SLC24A2: variants seen among roughly 807,000 people sequenced by gnomAD.
SLC24A2 encodes sodium/potassium/calcium exchanger 2.
A neutral mutation model predicts 62.0 loss-of-function variants in SLC24A2; 36 were observed. The observed-to-expected ratio is 0.58, with a 90% CI of 0.44 to 0.77. The LOEUF is 0.77. SLC24A2 is among the 30% of genes least tolerant of loss of function. The pLI is 0.00. For synonymous variants in SLC24A2, 358 were observed against 294.0 expected (o/e 1.22, Z -2.23); for missense variants, 846 against 817.9 (o/e 1.03, Z -0.42).
the SLC24A2 span, among the ~76,000 whole-genome samples, chr9:20,081,979 C>A: frequency 6.6e-6 from 1 of 152,162 alleles, no homozygotes; most frequent in Non-Finnish European, 1.5e-5. Flanking sequence ...TTCCAGCCAT[C>A]CCTCATCACC....
At chr9:19,520,337 C>T (rs1183435842) in intron 10 of SLC24A2, among the ~76,000 whole-genome samples, 5 of 152,218 alleles carry the variant, frequency 3.3e-5, no homozygotes, top group African/African-American at 1.2e-4. Context: ...ATTATTCATA[C>T]TGAGAGCTCA....
chr9:20,172,106 G>A, the SLC24A2 span, among the ~76,000 whole-genome samples: 1,837 of 152,058 alleles, frequency 0.012, 41 homozygotes, highest in African/African-American at 0.041. Context: ...AATCTGCTCC[G>A]GAATGATCAC....
intron 8 of SLC24A2, among the ~76,000 whole-genome samples, chr9:19,544,908 G>A (rs1458614478): frequency 7.2e-5 from 11 of 152,042 alleles, no homozygotes; most frequent in Admixed American, 6.6e-4. Context: ...TGTGTCTTGG[G>A]GTTGCTCTTC....
the SLC24A2 span, among the ~76,000 whole-genome samples, chr9:20,176,956 T>C: frequency 2.0e-5 from 3 of 152,060 alleles, no homozygotes; most frequent in Admixed American, 2.0e-4. Flanking sequence ...CTATCCATTG[T>C]TCCTTATATG....
intron 5 of SLC24A2, among the ~76,000 whole-genome samples, chr9:19,585,269 ATTTC>A (rs1836339398): frequency 6.6e-6 from 1 of 152,018 alleles, no homozygotes; most frequent in Admixed American, 6.6e-5. Flanking sequence ...ATGTGTGCAT[ATTTC>A]TTTTATTCTG....
At chr9:20,017,749 A>G in the SLC24A2 span, among the ~76,000 whole-genome samples, 2 of 152,174 alleles carry the variant, frequency 1.3e-5, no homozygotes, top group African/African-American at 4.8e-5. Flanking sequence ...GGCAGGAAGC[A>G]TCCAGCATGG....
chr9:20,284,926 A>G, the SLC24A2 span, among the ~76,000 whole-genome samples: 3 of 152,252 alleles, frequency 2.0e-5, no homozygotes, highest in Non-Finnish European at 4.4e-5. Context: ...CATAAAAGCT[A>G]CAATGATATT....
the SLC24A2 span, among the ~76,000 whole-genome samples, chr9:19,910,675 T>G: frequency 2.4e-4 from 36 of 152,204 alleles, no homozygotes; most frequent in Admixed American, 1.3e-3. Flanking sequence ...TCAGGCCTTC[T>G]TGCCCACTGT....
In SLC24A2 at chr9:19,514,833, G is replaced by A. The variant is rs921724127; in HGVS notation, c.*1320C>T. On this transcript the variant is annotated 3_prime_UTR_variant, in exon 11 of 11. Coordinates refer to ENST00000341998, the MANE Select transcript of SLC24A2 (RefSeq NM_020344.4). Reference sequence around the variant, plus strand: ...CTCAGAAACCTTCCTGGGGTGCACTGAGTGTGCAAATGCCTTTCCAAGCAT... The same window carrying A: ...CTCAGAAACCTTCCTGGGGTGCACTAAGTGTGCAAATGCCTTTCCAAGCAT... The A allele has an allele frequency of 2.0e-5, 3 of 152,208 alleles. No individual in the cohort carries two copies. Among genetic ancestry groups the A allele is most frequent in the African/African-American group, 4.8e-5 (2 of 41,456 alleles). 9.4% of individuals were successfully genotyped at this position (152,208 alleles called of 1,614,324 possible).
chr9:19,885,193 C>T, the SLC24A2 span, among the ~76,000 whole-genome samples: 89 of 152,250 alleles, frequency 5.8e-4, 2 homozygotes, highest in African/African-American at 2.0e-3. Context: ...TCTCACTGGA[C>T]CCGTTTAACT....
chr9:20,178,509 AT>A, the SLC24A2 span, among the ~76,000 whole-genome samples: 1 of 152,132 alleles, frequency 6.6e-6, no homozygotes, highest in African/African-American at 2.4e-5. Context: ...ACTTTGACAG[AT>A]TTTAATGAGA....
At chr9:20,195,792 G>A in the SLC24A2 span, among the ~76,000 whole-genome samples, 8 of 151,496 alleles carry the variant, frequency 5.3e-5, no homozygotes, top group Middle Eastern at 6.8e-3. Context: ...TAGTCTCATG[G>A]CATACATTAA....
At chr9:19,785,688 G>C (rs1389230321) in intron 2 of SLC24A2, among the ~76,000 whole-genome samples, 1 of 152,226 alleles carries the variant, frequency 6.6e-6, no homozygotes, top group African/African-American at 2.4e-5. Context: ...GGAGGCTTAT[G>C]TAACCTATAT....
the SLC24A2 span, among the ~76,000 whole-genome samples, chr9:20,048,566 C>T: frequency 6.6e-6 from 1 of 152,046 alleles, no homozygotes; most frequent in Non-Finnish European, 1.5e-5. Context: ...TTCTTCTTGG[C>T]AAATGTATAA....
chr9:19,779,603 G>C (rs972380038), intron 2 of SLC24A2, among the ~76,000 whole-genome samples: 1 of 152,162 alleles, frequency 6.6e-6, no homozygotes, highest in East Asian at 1.9e-4. Context: ...ATCAGGAATA[G>C]AGGGAAAAAA....
At chr9:19,912,947 AT>A in the SLC24A2 span, among the ~76,000 whole-genome samples, 1 of 152,146 alleles carries the variant, frequency 6.6e-6, no homozygotes, top group Non-Finnish European at 1.5e-5. Flanking sequence ...ATTTGTAAAA[AT>A]TTAAATGAAC....
chr9:19,858,841 A>G, the SLC24A2 span, among the ~76,000 whole-genome samples: 1 of 152,198 alleles, frequency 6.6e-6, no homozygotes, highest in African/African-American at 2.4e-5. Flanking sequence ...TAAAAAGTCA[A>G]AAAATAGCAG....
At chr9:19,523,063 G>T (rs955520962) in intron 9 of SLC24A2, among the ~76,000 whole-genome samples, 1 of 152,204 alleles carries the variant, frequency 6.6e-6, no homozygotes, top group Non-Finnish European at 1.5e-5. Context: ...ATGCACGGTA[G>T]TTCCAGCTAC....
the SLC24A2 span, among the ~76,000 whole-genome samples, chr9:20,119,300 G>A: frequency 6.6e-6 from 1 of 151,996 alleles, no homozygotes; most frequent in Non-Finnish European, 1.5e-5. Flanking sequence ...CAGAAACTGT[G>A]AGGTAACACA....
Sources: allele counts gnomAD v4.1 joint callset (sites outside exome capture counted in the v4.1 genomes callset), GRCh38; gene constraint gnomAD v4.1.1; transcripts MANE v1.5; gene names NCBI Gene and HGNC (gene_info 2026-07-23, HGNC 2026-07-21).